Variants in MYZAP observed in about 807,000 individuals in gnomAD.
The protein encoded by MYZAP is myocardial zonula adherens protein, also known as GRINL1A complex locus upstream.
MYZAP carries 66 observed loss-of-function variants against 69.4 expected under a neutral mutation model. That is an observed-to-expected ratio of 0.95 (90% confidence interval 0.78 to 1.17). MYZAP has a LOEUF of 1.17. Among genes scored for constraint, MYZAP ranks in the 50% most tolerant of loss-of-function variants. The pLI is 0.00. For synonymous variants in MYZAP, 256 were observed against 205.9 expected, an observed-to-expected ratio of 1.24 and a Z score of -2.09; for missense variants, 611 against 556.2, an observed-to-expected ratio of 1.10 and a Z score of -0.99.
intron 10 of MYZAP, chr15:57,647,216 A>T: frequency 1.0e-6 from 1 of 985,442 alleles, no homozygotes; most frequent in Non-Finnish European, 1.2e-6. Flanking sequence ...GGGATGGGAA[A>T]GAAGCAGATG....
At chr15:57,648,520 A>G (rs1319337564) in intron 10 of MYZAP, 1 of 977,022 alleles carries the variant, frequency 1.0e-6, no homozygotes, top group East Asian at 1.1e-4. Context: ...TCTGGAAGGT[A>G]TTATTCGCCC....
chr15:57,610,993 G>A lies in MYZAP; in HGVS notation c.162+6638G>A, dbSNP rs140172074. On this transcript the variant is annotated intron_variant, in intron 2 of 12. Coordinates refer to ENST00000267853, the MANE Select transcript of MYZAP (RefSeq NM_001018100.5). ...CAAAAAGACCAAGAAGAAGGTGGAC[G>A]GACAGACAGACTCATTCAGATAGAC... Among the ~76,000 whole-genome samples, 41 of 152,204 alleles carry A rather than the reference G, an allele frequency of 2.7e-4. 2 individuals are homozygous for A. The East Asian group carries it at 6.8e-3, about 25-fold the overall frequency.
In MYZAP at chr15:57,604,250, T is replaced by G; in HGVS notation, c.76-19T>G. Reference sequence around the variant, plus strand: ...CAAATGCTGACTCCTAACTGGCCTCTCCTTTCCCTCTCTTCTAGGCAAATG... The same window carrying G: ...CAAATGCTGACTCCTAACTGGCCTCGCCTTTCCCTCTCTTCTAGGCAAATG... On this transcript the variant is annotated intron_variant, in intron 1 of 12. Transcript: ENST00000267853. 6.2e-7 allele frequency: 1 copy of G among 1,613,680 alleles called. No homozygotes were observed. Among genetic ancestry groups the G allele is most frequent in the Non-Finnish European group, 8.5e-7 (1 of 1,179,818 alleles).
chr15:57,613,305 T>G (rs2035229666), intron 2 of MYZAP, among the ~76,000 whole-genome samples: 1 of 152,184 alleles, frequency 6.6e-6, no homozygotes, highest in Non-Finnish European at 1.5e-5. Flanking sequence ...AGTACATTTT[T>G]TAAAATTTGT....
At chr15:57,614,653 G>A (rs1595867633) in intron 2 of MYZAP, among the ~76,000 whole-genome samples, 2 of 152,144 alleles carry the variant, frequency 1.3e-5, no homozygotes, top group Admixed American at 1.3e-4. Flanking sequence ...CCCCATCCTG[G>A]GCCTGCCTCT....
rs2034604707 is a variant in MYZAP at position 57,604,364 on chromosome 15, T to C, written c.162+9T>C. 1 of 1,613,956 alleles carries C rather than the reference T, an allele frequency of 6.2e-7. No homozygotes were observed. Among genetic ancestry groups the C allele is most frequent in the African/African-American group, 1.3e-5 (1 of 74,902 alleles). ...TTGAGAGAAAAGAGCAGGTAAGGTA[T>C]CTCCGAGGCAAAGCCCCAACAAGTT... is the stretch of plus-strand genomic sequence containing the variant. On this transcript the variant is annotated intron_variant, in intron 2 of 12. Coordinates refer to ENST00000267853, the MANE Select transcript of MYZAP (RefSeq NM_001018100.5).
intron 11 of MYZAP, among the ~76,000 whole-genome samples, chr15:57,670,647 G>A (rs1349116794): frequency 6.6e-6 from 1 of 151,754 alleles, no homozygotes; most frequent in Non-Finnish European, 1.5e-5. Context: ...GTTCCTTCTG[G>A]TTTGTTTTGC....
chr15:57,634,600 G>A lies in MYZAP; in HGVS notation c.933+859G>A, dbSNP rs575863037. 5.3e-5 allele frequency among the ~76,000 whole-genome samples: 8 copies of A among 152,272 alleles called. No homozygotes were observed. In the South Asian group the frequency reaches 1.2e-3, roughly 24 times the overall value. On this transcript the variant is annotated intron_variant, in intron 8 of 12. Transcript: ENST00000267853. ...CTTCATGTGATGCTGAGAAGAGGTC[G>A]CCTTAGCTAATGGTGTTTGCAGCAT...
chr15:57,621,304 G>A (rs1330706147), intron 3 of MYZAP, among the ~76,000 whole-genome samples: 5 of 149,556 alleles, frequency 3.3e-5, no homozygotes, highest in Admixed American at 6.7e-5. Context: ...TCCGCCTGCC[G>A]GATTCACGTA....
At chr15:57,625,329 C>T (rs531863955) in intron 4 of MYZAP, among the ~76,000 whole-genome samples, 36 of 152,300 alleles carry the variant, frequency 2.4e-4, no homozygotes, top group Admixed American at 5.2e-4. Flanking sequence ...CCGCCTCGGC[C>T]TCCCACAGTG....
chr15:57,682,997 G>A (rs774687540), intron 12 of MYZAP, among the ~76,000 whole-genome samples: 2 of 152,128 alleles, frequency 1.3e-5, no homozygotes, highest in African/African-American at 4.8e-5. Flanking sequence ...AGGTCATGGC[G>A]GGAAGGGAGG....
At chr15:57,654,662 C>G (rs1334855170) in intron 10 of MYZAP, among the ~76,000 whole-genome samples, 3 of 152,166 alleles carry the variant, frequency 2.0e-5, no homozygotes, top group East Asian at 3.8e-4. Context: ...ACTCACATGA[C>G]TACAATGCTA....
Position 57,618,097 on chromosome 15 carries a change from T to C in MYZAP, c.227T>C (p.Val76Ala). The part of the protein sequence containing the change: ...KLPQGVVYGV[V>A]RRSDQNQQKE... ...CCTCAGGGTGTTGTTTATGGTGTGG[T>C]GCGAAGATCAGATCAAAATCAGCAG... The change falls in exon 3 of 13, where the codon GTG (valine) becomes GCG (alanine). Residue 76 changes from valine to alanine, a missense_variant. By Grantham distance (64) the Val-to-Ala change is moderately conservative. Transcript: ENST00000267853. The C allele has an allele frequency of 6.2e-7, 1 of 1,614,188 alleles. No homozygotes were observed. The highest frequency in any genetic ancestry group is 8.5e-7 in the Non-Finnish European group (1 of 1,180,030).
intron 6 of MYZAP, 105 bp from the exon 7 acceptor site, chr15:57,632,329 A>G (rs2036553438): frequency 6.5e-7 from 1 of 1,543,538 alleles, no homozygotes; most frequent in African/African-American, 1.4e-5. Context: ...AACCCAGTGG[A>G]TGGGCTCACT....
intron 10 of MYZAP, chr15:57,648,416 C>T: frequency 1.0e-6 from 1 of 985,400 alleles, no homozygotes; most frequent in South Asian, 4.7e-5. Flanking sequence ...CTATGTGAGG[C>T]TGAGTAATTC....
rs1305737359 is a variant in MYZAP, at chr15:57,684,932, T to C, written c.*434T>C. On this transcript the variant is annotated 3_prime_UTR_variant, in exon 13 of 13. Coordinates refer to ENST00000267853, the MANE Select transcript of MYZAP (RefSeq NM_001018100.5). ...AGTATTAGAGGCAGCGTTTCTCTGA[T>C]ACAGAGAGGCCTGTCCACAAGAAGC... The C allele has an allele frequency of 6.4e-6, 1 of 155,252 alleles. No homozygotes were observed. Among genetic ancestry groups the C allele is most frequent in the Non-Finnish European group, 1.4e-5 (1 of 70,156 alleles). The allele number at this position is 155,252 out of a possible 1,614,324, so 9.6% of individuals were successfully genotyped here. A position where few individuals can be genotyped will look rare whatever the true frequency, so the allele number is the denominator to read the frequency against.
intron 2 of MYZAP, among the ~76,000 whole-genome samples, chr15:57,607,421 T>A (rs1425294103): frequency 1.3e-5 from 2 of 152,104 alleles, no homozygotes; most frequent in East Asian, 3.9e-4. Flanking sequence ...CTATTTGGCT[T>A]GAATAGTGCT....
intron 2 of MYZAP, among the ~76,000 whole-genome samples, chr15:57,612,817 C>T (rs937053678): frequency 4.6e-5 from 7 of 152,206 alleles, no homozygotes; most frequent in African/African-American, 1.7e-4. Flanking sequence ...TGAGTACTCA[C>T]AGGAAACAGC....
At chr15:57,675,748 A>G (rs894830691) in intron 12 of MYZAP, among the ~76,000 whole-genome samples, 6 of 152,198 alleles carry the variant, frequency 3.9e-5, no homozygotes, top group Non-Finnish European at 8.8e-5. Flanking sequence ...AGCCTGTAAC[A>G]CAGTAACCTG....
Sources: allele counts gnomAD v4.1 joint callset (sites outside exome capture counted in the v4.1 genomes callset), GRCh38; gene constraint gnomAD v4.1.1; transcripts MANE v1.5; gene names NCBI Gene and HGNC (gene_info 2026-07-23, HGNC 2026-07-21).